The following PTPN5 variants were observed in gnomAD, a reference collection of about 807,000 sequenced individuals.
PTPN5 encodes tyrosine-protein phosphatase non-receptor type 5.
Under a neutral mutation model 73.9 loss-of-function variants are expected in PTPN5, and 29 were observed. That is an observed-to-expected ratio of 0.39 (90% CI 0.29 to 0.54). The LOEUF (loss-of-function observed/expected upper bound fraction) is 0.54, where lower values mean the gene tolerates loss of function less well. PTPN5 is among the 20% of genes least tolerant of loss of function. The pLI, the probability that PTPN5 is intolerant of heterozygous loss-of-function variation, is 0.65. For synonymous variants in PTPN5, 267 were observed against 304.7 expected (o/e 0.88, Z 1.29); for missense variants, 652 against 751.4 (o/e 0.87, Z 1.55).
chr11:18,762,109 G>C (rs546206821), intron 3 of PTPN5, among the ~76,000 whole-genome samples: 82 of 152,296 alleles, frequency 5.4e-4, no homozygotes, highest in African/African-American at 1.8e-3. Flanking sequence ...TGTTGGTGAT[G>C]CTGAGGACGT....
intron 2 of PTPN5, among the ~76,000 whole-genome samples, chr11:18,771,196 C>A (rs569224687): frequency 2.0e-5 from 3 of 152,206 alleles, no homozygotes; most frequent in East Asian, 3.9e-4. Flanking sequence ...CCCGTAAATA[C>A]CCCTCACTGT....
In PTPN5 at chr11:18,729,621, G is replaced by A. The variant is rs1296609472; in HGVS notation, c.1490+37C>T. On this transcript the variant is annotated intron_variant, in intron 13 of 14. Transcript: ENST00000358540. This position sits in a 1 kb window ranked among gnomAD's most constrained non-coding sequence, Gnocchi z 5.2. ...GGGCAGGGCAGCCCAGCGGGTGGGG[G>A]GCTGCCCCGCTCCAGTGGCTGGCTG... is the stretch of plus-strand genomic sequence containing the variant. 1.9e-6 allele frequency: 3 copies of A among 1,577,692 alleles called. No individual in the cohort carries two copies. Among genetic ancestry groups the A allele is most frequent in the Non-Finnish European group, 2.6e-6 (3 of 1,164,392 alleles).
At position 18,753,754 on chromosome 11, in the gene PTPN5, G is replaced by T. The variant is rs1422726759; in HGVS notation, c.98-9555C>A. On this transcript the variant is annotated intron_variant, in intron 3 of 14. Coordinates refer to ENST00000358540, the MANE Select transcript of PTPN5 (RefSeq NM_006906.2). ...TGTGCTATGTGTGGTGGGGGTAGGGGAGTAGAGACATCTGCAAGCCCATGG... is the reference window on the plus strand; with the variant it reads ...TGTGCTATGTGTGGTGGGGGTAGGGTAGTAGAGACATCTGCAAGCCCATGG... 3.3e-5 allele frequency among the ~76,000 whole-genome samples: 5 copies of T among 152,296 alleles called. No homozygotes were observed. In the East Asian group the frequency reaches 7.7e-4, roughly 24 times the overall value.
In PTPN5 at chr11:18,733,511, C is replaced by A. The variant is rs964461641; in HGVS notation, c.1080+45G>T. 5 of 1,612,788 alleles carry A rather than the reference C, an allele frequency of 3.1e-6. No individual in the cohort carries two copies. Among genetic ancestry groups the A allele is most frequent in the Middle Eastern group, 1.6e-4 (1 of 6,084 alleles). ...GGCTGGAGGATGGATCCCATCGACT[C>A]AGGCCTCCCCTTGAGCAAGAGGCCG... On this transcript the variant is annotated intron_variant, in intron 10 of 14. Coordinates refer to ENST00000358540, the MANE Select transcript of PTPN5 (RefSeq NM_006906.2). The surrounding 1 kb of genome is among the most constrained non-coding windows in gnomAD (Gnocchi z 4.3).
At chr11:18,769,589 T>TA (rs1200449361) in intron 2 of PTPN5, among the ~76,000 whole-genome samples, 1 of 152,066 alleles carries the variant, frequency 6.6e-6, no homozygotes, top group Non-Finnish European at 1.5e-5. Flanking sequence ...TTTTAGTAGA[T>TA]ACGAGGTTTC....
Position 18,742,207 on chromosome 11 carries a change from C to G in PTPN5, c.725+55G>C, listed in dbSNP as rs535945028. 6.9e-6 allele frequency: 11 copies of G among 1,604,578 alleles called. No homozygotes were observed. The highest frequency in any genetic ancestry group is 9.4e-6 in the Non-Finnish European group (11 of 1,174,714). On this transcript the variant is annotated intron_variant, in intron 7 of 14. Transcript: ENST00000358540. The surrounding 1 kb of genome is among the most constrained non-coding windows in gnomAD (Gnocchi z 4.1). The stretch of plus-strand genomic sequence containing the variant: ...AGAGTCAGGCATCCACTCTTCTGAT[C>G]AGGAGCTAAGAGCTCAAGGGCCCGT...
At chr11:18,769,098 T>C (rs1215360343) in intron 2 of PTPN5, among the ~76,000 whole-genome samples, 1 of 152,228 alleles carries the variant, frequency 6.6e-6, no homozygotes, top group African/African-American at 2.4e-5. Flanking sequence ...TGATGGAGGA[T>C]GTCCCGGAGT....
intron 4 of PTPN5, 83 bp downstream of exon 4, chr11:18,743,923 G>A: frequency 6.8e-7 from 1 of 1,471,100 alleles, no homozygotes; most frequent in Non-Finnish European, 9.0e-7. Context: ...TGCCTTCCAG[G>A]TGGCCATCCT....
In PTPN5 at chr11:18,733,364, A is replaced by G. The variant is rs1848976364; in HGVS notation, c.1089T>C (p.Gly363=). ...YINANYIRGY[G]GEEKVYIATQ... is the part of the protein sequence containing the mutation. ...TGGCGATGTACACCTTCTCCTCCCCACCATAGCCCTGCGGCCAGCCAAGTC... is the reference window on the plus strand; with the variant it reads ...TGGCGATGTACACCTTCTCCTCCCCGCCATAGCCCTGCGGCCAGCCAAGTC... The change falls in exon 11 of 15, where the codon GGT becomes GGC. Residue 363 remains glycine, a synonymous_variant. Coordinates refer to ENST00000358540, the MANE Select transcript of PTPN5 (RefSeq NM_006906.2). The surrounding 1 kb of genome is among the most constrained non-coding windows in gnomAD (Gnocchi z 4.3). 1 of 1,613,438 alleles carries G rather than the reference A, an allele frequency of 6.2e-7. No homozygotes were observed. Among genetic ancestry groups the G allele is most frequent in the Non-Finnish European group, 8.5e-7 (1 of 1,179,558 alleles).
At chr11:18,769,391 T>C (rs1478948988) in intron 2 of PTPN5, among the ~76,000 whole-genome samples, 1 of 152,046 alleles carries the variant, frequency 6.6e-6, no homozygotes, top group African/African-American at 2.4e-5. Flanking sequence ...GGAGCTGGTT[T>C]TTTTTTAAAT....
intron 3 of PTPN5, among the ~76,000 whole-genome samples, chr11:18,746,581 G>A (rs1266295065): frequency 1.4e-5 from 1 of 70,880 alleles, no homozygotes; most frequent in Non-Finnish European, 3.3e-5. Context: ...AGATTATAAT[G>A]CTAACACATA....
At chr11:18,791,343 G>A (rs192707490) in intron 1 of PTPN5, among the ~76,000 whole-genome samples, 182 bp downstream of exon 1, 1 of 152,202 alleles carries the variant, frequency 6.6e-6, no homozygotes, top group Non-Finnish European at 1.5e-5. Context: ...CTCTGCATGG[G>A]GGACCCCTCC....
Position 18,733,784 on chromosome 11 carries a change from A to G in PTPN5, c.1001-149T>C. 1 of 740,958 alleles carries G rather than the reference A, an allele frequency of 1.3e-6. No homozygotes were observed. The highest frequency in any genetic ancestry group is 2.3e-6 in the Non-Finnish European group (1 of 432,142). 45.9% of individuals were successfully genotyped at this position (740,958 alleles called of 1,614,324 possible). ...CCAGCAGCAAAACATTGACCCATTC[A>G]TGGTTCATTTTGTAGGTGAGGACTC... On this transcript the variant is annotated intron_variant, in intron 9 of 14. Transcript: ENST00000358540. This position sits in a 1 kb window ranked among gnomAD's most constrained non-coding sequence, Gnocchi z 4.3.
chr11:18,733,223 G>A lies in PTPN5; in HGVS notation c.1218+12C>T, dbSNP rs773399729. The A allele has an allele frequency of 1.9e-5, 31 of 1,607,476 alleles. No individual in the cohort carries two copies. The highest frequency in any genetic ancestry group is 1.3e-4 in the East Asian group (6 of 44,656). On this transcript the variant is annotated intron_variant, in intron 11 of 14. Transcript: ENST00000358540. This position sits in a 1 kb window ranked among gnomAD's most constrained non-coding sequence, Gnocchi z 4.3. ...TGTAGCAGACACTTAGAATGGGGAC[G>A]GGGGTCCCTACCTCGTTCATCTCCT...
intron 9 of PTPN5, among the ~76,000 whole-genome samples, chr11:18,737,526 T>C (rs11024775): frequency 0.03 from 4,552 of 152,310 alleles, 232 homozygotes; most frequent in African/African-American, 0.1. Context: ...ACTTAACCTC[T>C]CTAAGCCTTA....
Position 18,728,952 on chromosome 11 carries a change from G to T in PTPN5, c.1680C>A (p.Ser560=), listed in dbSNP as rs754513637. The change falls in exon 15 of 15, where the codon TCC becomes TCA. Residue 560 remains serine (S), a synonymous_variant. Transcript: ENST00000358540. This position sits in a 1 kb window ranked among gnomAD's most constrained non-coding sequence, Gnocchi z 4.1. ...AGCGCAGTCATTCTGGGGACTGGTG[G>T]GACAGCTGCTTTTCGTAGAGGCTCA... The part of the protein sequence containing the change: ...HVMSLYEKQL[S]HQSPE 1.9e-6 allele frequency: 3 copies of T among 1,613,340 alleles called. No individual in the cohort carries two copies. The highest frequency in any genetic ancestry group is 3.3e-5 in the Admixed American group (2 of 59,866).
rs189789765 is a variant in PTPN5 at position 18,753,946 on chromosome 11, G to A, written c.98-9747C>T. Among the ~76,000 whole-genome samples, 417 of 152,218 alleles carry A rather than the reference G, an allele frequency of 2.7e-3. 8 individuals are homozygous for A. The highest frequency in any genetic ancestry group is 0.025 in the Admixed American group (378 of 15,294). ...TACAATATGCACAATTAAAAATATAGACACAAAAAACATCACCCATTCTGC... is the reference window on the plus strand; with the variant it reads ...TACAATATGCACAATTAAAAATATAAACACAAAAAACATCACCCATTCTGC... On this transcript the variant is annotated intron_variant, in intron 3 of 14. Coordinates refer to ENST00000358540, the MANE Select transcript of PTPN5 (RefSeq NM_006906.2).
intron 3 of PTPN5, among the ~76,000 whole-genome samples, chr11:18,764,355 CA>C (rs1338154156): frequency 2.6e-5 from 4 of 152,172 alleles, no homozygotes; most frequent in Non-Finnish European, 4.4e-5. Flanking sequence ...TTCAGATATT[CA>C]GGAAGTTCTC....
At chr11:18,755,577 GC>G (rs1850093094) in intron 3 of PTPN5, among the ~76,000 whole-genome samples, 1 of 82,036 alleles carries the variant, frequency 1.2e-5, no homozygotes, top group Non-Finnish European at 2.9e-5. Context: ...CCACTGGGAG[GC>G]TAACTCAAGA....
Sources: allele counts gnomAD v4.1 joint callset (sites outside exome capture counted in the v4.1 genomes callset), GRCh38; gene constraint gnomAD v4.1.1; non-coding constraint Gnocchi (gnomAD v3.1); transcripts MANE v1.5; gene names NCBI Gene and HGNC (gene_info 2026-07-23, HGNC 2026-07-21).